ERRFI1: variants seen among roughly 807,000 people sequenced by gnomAD.
The protein encoded by ERRFI1 is ERBB receptor feedback inhibitor 1.
In ERRFI1, 12 loss-of-function variants were observed where a neutral mutation model predicts 14.6. The ratio of observed to expected loss-of-function variants is 0.82; its 90% CI spans 0.53 to 1.33. The LOEUF is 1.33. ERRFI1 is among the 40% of genes most tolerant of loss of function. ERRFI1 has a pLI of 0.00. For missense variants in ERRFI1, 482 were observed against 572.1 expected, an observed-to-expected ratio of 0.84 and a Z score of 1.61; for synonymous variants, 202 against 209.9, an observed-to-expected ratio of 0.96 and a Z score of 0.32.
In ERRFI1 at chr1:8,015,730, T is replaced by C. The variant is rs569066258; in HGVS notation, c.-73-38A>G. On this transcript the variant is annotated intron_variant, in intron 1 of 3. Transcript: ENST00000377482. ...AGAGATGAGAGAATAAAGAAAACAA[T>C]TCAGAAATACCTCCATTAGGACAGT... 645 of 1,347,990 alleles carry C rather than the reference T, an allele frequency of 4.8e-4. 3 individuals carry two copies. In the African/African-American group the frequency reaches 8.4e-3, roughly 18 times the overall value. The allele number at this position is 1,347,990 out of a possible 1,614,324, so 83.5% of individuals were successfully genotyped here. A position where few individuals can be genotyped will look rare whatever the true frequency, so the allele number is the denominator to read the frequency against.
intron 2 of ERRFI1, 32 bp from the exon 3 acceptor site, chr1:8,015,416 G>A (rs1004361134): frequency 3.7e-6 from 6 of 1,614,072 alleles, no homozygotes; most frequent in Non-Finnish European, 5.1e-6. Flanking sequence ...TTGGTCATAA[G>A]CGAAGAGCAA....
At chr1:8,024,507 CATAAGATAGAAGCT>C (rs1467767041) in intron 1 of ERRFI1, among the ~76,000 whole-genome samples, 1 of 152,204 alleles carries the variant, frequency 6.6e-6, no homozygotes, top group Non-Finnish European at 1.5e-5. Context: ...TGCAAGGCTG[CATAAGATAGAAGCT>C]ATACAAGGCA....
rs910379303 is a variant in ERRFI1 at position 8,013,084 on chromosome 1, A to G, written c.*126T>C. The G allele has an allele frequency of 2.9e-5, 24 of 835,286 alleles. No individual in the cohort carries two copies. In the African/African-American group the frequency reaches 2.9e-4, roughly 10 times the overall value. 51.7% of individuals were successfully genotyped at this position (835,286 alleles called of 1,614,324 possible). ...CTCACAACTGCTCTAAACCTTCCACATGAAGACAGAGAGTTCAACTATTTT... is the reference window on the plus strand; with the variant it reads ...CTCACAACTGCTCTAAACCTTCCACGTGAAGACAGAGAGTTCAACTATTTT... On this transcript the variant is annotated 3_prime_UTR_variant, in exon 4 of 4. Transcript: ENST00000377482. This position sits in a 1 kb window ranked among gnomAD's most constrained non-coding sequence, Gnocchi z 4.3.
At position 8,015,312 on chromosome 1, in the gene ERRFI1, T is replaced by A. The variant is rs147802351; in HGVS notation, c.198A>T (p.Pro66=). Reference sequence around the variant, plus strand: ...TCAGATTTTCAGAATACATACCAAGTGGTATTAGGCGCTCCTGAGCAGAAG... The same window carrying A: ...TCAGATTTTCAGAATACATACCAAGAGGTATTAGGCGCTCCTGAGCAGAAG... ...LNSSAQERLI[P]LGHASKSAPM... is the part of the protein sequence containing the mutation. Residue 66 remains proline, a synonymous_variant, in exon 3 of 4, where the codon CCA becomes CCT. Transcript: ENST00000377482. 6.2e-7 allele frequency: 1 copy of A among 1,613,624 alleles called. No homozygotes were observed. The highest frequency in any genetic ancestry group is 8.5e-7 in the Non-Finnish European group (1 of 1,179,536).
intron 1 of ERRFI1, among the ~76,000 whole-genome samples, chr1:8,019,357 C>A (rs935407697): frequency 6.6e-6 from 1 of 152,102 alleles, no homozygotes; most frequent in Non-Finnish European, 1.5e-5. Flanking sequence ...TGTTACAATT[C>A]GATTCATCCT....
chr1:8,023,257 G>A (rs1232293489), intron 1 of ERRFI1, among the ~76,000 whole-genome samples: 1 of 152,056 alleles, frequency 6.6e-6, no homozygotes, highest in African/African-American at 2.4e-5. Context: ...CTCCATTTCT[G>A]TAGCCAAAGC....
intron 1 of ERRFI1, among the ~76,000 whole-genome samples, chr1:8,016,473 G>A (rs1641175417): frequency 1.3e-5 from 2 of 152,274 alleles, no homozygotes; most frequent in South Asian, 4.2e-4. Flanking sequence ...ATCTTGCTTA[G>A]CTGCAAGGCA....
At chr1:8,016,884 G>A (rs1016667524) in intron 1 of ERRFI1, among the ~76,000 whole-genome samples, 5 of 151,800 alleles carry the variant, frequency 3.3e-5, no homozygotes, top group Non-Finnish European at 7.4e-5. Context: ...CATTTGCTGT[G>A]GGGGAGAGGT....
At position 8,012,702 on chromosome 1, in the gene ERRFI1, T is replaced by C. The variant is rs1641103511; in HGVS notation, c.*508A>G. On this transcript the variant is annotated 3_prime_UTR_variant, in exon 4 of 4. Coordinates refer to ENST00000377482, the MANE Select transcript of ERRFI1 (RefSeq NM_018948.4). The stretch of plus-strand genomic sequence containing the variant: ...GCCTGCAAAAATAAATGGAACAAAA[T>C]AGAAAAGGCCTAAAAGCCAGAAATC... The C allele has an allele frequency of 1.7e-5, 4 of 230,572 alleles. No homozygotes were observed. Among genetic ancestry groups the C allele is most frequent in the South Asian group, 1.8e-4 (1 of 5,562 alleles). The allele number at this position is 230,572 out of a possible 1,614,324, so 14.3% of individuals were successfully genotyped here.
rs1641105080 is a variant in ERRFI1, at chr1:8,012,821, T to G, written c.*389A>C. On this transcript the variant is annotated 3_prime_UTR_variant, in exon 4 of 4. Transcript: ENST00000377482. ...TGCTCAATTTTCAGTCTATCAGGAC[T>G]CATTTCTCCAGCTTGAGTTTATTAT... 4.4e-5 allele frequency: 11 copies of G among 249,894 alleles called. No individual in the cohort carries two copies. The East Asian group carries it at 6.3e-4, about 14-fold the overall frequency. 15.5% of individuals were successfully genotyped at this position (249,894 alleles called of 1,614,324 possible). A position where few individuals can be genotyped will look rare whatever the true frequency, so the allele number is the denominator to read the frequency against.
At chr1:8,016,333 C>T (rs1165126356) in intron 1 of ERRFI1, among the ~76,000 whole-genome samples, 2 of 152,116 alleles carry the variant, frequency 1.3e-5, no homozygotes, top group Non-Finnish European at 2.9e-5. Context: ...TTTCCATTAT[C>T]CTGTAAAAAT....
intron 1 of ERRFI1, among the ~76,000 whole-genome samples, chr1:8,015,907 A>G (rs1001937574): frequency 2.0e-5 from 3 of 152,216 alleles, no homozygotes; most frequent in Non-Finnish European, 4.4e-5. Context: ...AAAAGACATG[A>G]AATGTTTTAG....
At chr1:8,022,875 T>C (rs1448692207) in intron 1 of ERRFI1, among the ~76,000 whole-genome samples, 1 of 152,194 alleles carries the variant, frequency 6.6e-6, no homozygotes, top group Non-Finnish European at 1.5e-5. Flanking sequence ...AAAATAGAGA[T>C]GGCTGCTGCC....
Position 8,014,387 on chromosome 1 carries a change from G to T in ERRFI1, c.212C>A (p.Ser71Tyr), listed in dbSNP as rs1177377531. 1 of 1,579,210 alleles carries T rather than the reference G, an allele frequency of 6.3e-7. No individual in the cohort carries two copies. The highest frequency in any genetic ancestry group is 8.6e-7 in the Non-Finnish European group (1 of 1,162,584). ...QERLIPLGHA[S>Y]KSAPMNGHCF... The stretch of plus-strand genomic sequence containing the variant: ...GTGGCCATTCATCGGAGCAGATTTG[G>T]AAGCATGCCCTGGAATGAACGAGAG... The change falls in exon 4 of 4, where the codon TCC becomes TAC. Residue 71 changes from serine to tyrosine, a missense_variant. By Grantham distance (144) the Ser-to-Tyr change is moderately radical. Transcript: ENST00000377482.
In ERRFI1 at chr1:8,015,366, G is replaced by C; in HGVS notation, c.144C>G (p.Asp48Glu). Reference sequence around the variant, plus strand: ...TCAGACTGTAGGCCATGGTTATCGGGTCAATATTTAAAAAGTTGCTGAAAG... The same window carrying C: ...TCAGACTGTAGGCCATGGTTATCGGCTCAATATTTAAAAAGTTGCTGAAAG... ...SEFKNNFLNI[D>E]PITMAYSLNS... The change falls in exon 3 of 4, where the codon GAC (aspartate) becomes GAG (glutamate). Residue 48 changes from aspartate to glutamate, a missense_variant. Transcript: ENST00000377482. 6.2e-7 allele frequency: 1 copy of C among 1,614,154 alleles called. No homozygotes were observed. Among genetic ancestry groups the C allele is most frequent in the South Asian group, 1.1e-5 (1 of 91,086 alleles).
Position 8,025,898 on chromosome 1 carries a change from T to G in ERRFI1, c.-74+260A>C, listed in dbSNP as rs772653830. On this transcript the variant is annotated intron_variant, in intron 1 of 3. Transcript: ENST00000377482. ...GGAGAAGGCGGCGGGCGCCGGCACT[T>G]CGCGGCGTCCCCAGGCCCGGGCTGC... is the stretch of plus-strand genomic sequence containing the variant. Among the ~76,000 whole-genome samples, 70 of 151,936 alleles carry G rather than the reference T, an allele frequency of 4.6e-4. 1 individual carries two copies. The highest frequency in any genetic ancestry group is 1.0e-3 in the South Asian group (5 of 4,830).
intron 1 of ERRFI1, among the ~76,000 whole-genome samples, chr1:8,025,935 G>C (rs899138511): frequency 6.6e-6 from 1 of 151,776 alleles, no homozygotes; most frequent in Non-Finnish European, 1.5e-5. Flanking sequence ...CCGCCGGGGA[G>C]GGTCCCGCTC....
rs759686392 is a variant in ERRFI1, at chr1:8,013,751, A to G, written c.848T>C (p.Val283Ala). ...AGGAGGTATGGGAACTCTGGGGGGAACCTCAGGTTTGTCTTCATCGGAGTT... is the reference window on the plus strand; with the variant it reads ...AGGAGGTATGGGAACTCTGGGGGGAGCCTCAGGTTTGTCTTCATCGGAGTT... Reference protein sequence around the residue: ...SPNSDEDKPEVPPRVPIPPRP... With the variant: ...SPNSDEDKPEAPPRVPIPPRP... The change falls in exon 4 of 4, where the codon GTT becomes GCT. Residue 283 changes from valine to alanine, a missense_variant. Val to Ala is a moderately conservative substitution (Grantham distance 64). Coordinates refer to ENST00000377482, the MANE Select transcript of ERRFI1 (RefSeq NM_018948.4). The surrounding 1 kb of genome is among the most constrained non-coding windows in gnomAD (Gnocchi z 4.3). 6.2e-7 allele frequency: 1 copy of G among 1,613,892 alleles called. No individual in the cohort carries two copies. Among genetic ancestry groups the G allele is most frequent in the Admixed American group, 1.7e-5 (1 of 59,972 alleles).
intron 3 of ERRFI1, chr1:8,014,639 A>G: frequency 2.1e-6 from 1 of 485,896 alleles, no homozygotes; most frequent in Non-Finnish European, 3.6e-6. Context: ...ACATGTGCAC[A>G]GCGCACACCC....
Sources: allele counts gnomAD v4.1 joint callset (sites outside exome capture counted in the v4.1 genomes callset), GRCh38; gene constraint gnomAD v4.1.1; non-coding constraint Gnocchi (gnomAD v3.1); transcripts MANE v1.5; gene names NCBI Gene and HGNC (gene_info 2026-07-23, HGNC 2026-07-21).